INTS6: variants seen among roughly 807,000 people sequenced by gnomAD.
INTS6 encodes DEAD box protein.
Under a neutral mutation model 104.9 loss-of-function variants are expected in INTS6, and 16 were observed. That is an observed-to-expected ratio of 0.15 (90% CI 0.10 to 0.23). INTS6 has a LOEUF of 0.23. INTS6 is among the 10% of genes least tolerant of loss of function. The pLI is 1.00. For missense variants in INTS6, 584 were observed against 1,062.8 expected, an observed-to-expected ratio of 0.55 and a Z score of 6.26; for synonymous variants, 324 against 358.7, an observed-to-expected ratio of 0.90 and a Z score of 1.09.
At chr13:51,405,666 T>G (rs888915135) in intron 4 of INTS6, among the ~76,000 whole-genome samples, 1 of 152,170 alleles carries the variant, frequency 6.6e-6, no homozygotes, top group South Asian at 2.1e-4. Context: ...TTATTTCCAC[T>G]TCCATGGAAG....
chr13:51,429,952 T>C (rs183445703), intron 4 of INTS6, among the ~76,000 whole-genome samples: 8 of 151,700 alleles, frequency 5.3e-5, no homozygotes, highest in African/African-American at 1.9e-4. Flanking sequence ...CACTGAAATA[T>C]AGGAAGAAAT....
At position 51,361,930 on chromosome 13, in the gene INTS6, A is replaced by G; in HGVS notation, c.*3822T>C. 4.3e-6 allele frequency: 7 copies of G among 1,611,968 alleles called. No homozygotes were observed. Among genetic ancestry groups the G allele is most frequent in the East Asian group, 2.2e-5 (1 of 44,806 alleles). On this transcript the variant is annotated 3_prime_UTR_variant, in exon 18 of 18. Coordinates refer to ENST00000311234, the MANE Select transcript of INTS6 (RefSeq NM_012141.3). ...TTTTTTGACAGGATTCAGATAATTT[A>G]TCAGTGTCTCTCTAGCAACAAGGGC...
At chr13:51,443,565 A>AT in intron 3 of INTS6, 1 of 152,300 alleles carries the variant, frequency 6.6e-6, no homozygotes, top group South Asian at 2.1e-4. Context: ...ATATAAGGAA[A>AT]TTACTTTTTT....
At chr13:51,355,789 C>G (rs1955471853) in intron 3 of INTS6, among the ~76,000 whole-genome samples, 1 of 151,998 alleles carries the variant, frequency 6.6e-6, no homozygotes. Context: ...AACCTATGTT[C>G]TACAATCCTC....
At chr13:51,335,173 T>G in the INTS6 span, among the ~76,000 whole-genome samples, 1 of 151,550 alleles carries the variant, frequency 6.6e-6, no homozygotes, top group Non-Finnish European at 1.5e-5. Context: ...TACATGAAAA[T>G]TAAGGATTTC....
At chr13:51,434,401 G>C (rs1957149018) in intron 3 of INTS6, among the ~76,000 whole-genome samples, 1 of 151,734 alleles carries the variant, frequency 6.6e-6, no homozygotes, top group South Asian at 2.1e-4. Context: ...TTTAAATTTT[G>C]GAAAAGTCAG....
At chr13:51,441,885 A>T (rs547867560) in intron 3 of INTS6, 1 of 151,758 alleles carries the variant, frequency 6.6e-6, no homozygotes, top group Non-Finnish European at 1.5e-5. Flanking sequence ...CAGTCGCACA[A>T]TCTTGGCTCA....
chr13:51,361,231 A>G, downstream of INTS6: 1 of 1,259,374 alleles, frequency 7.9e-7, no homozygotes, highest in Non-Finnish European at 1.1e-6. Context: ...AATGTGTTAG[A>G]AAAATGTTAA....
intron 10 of INTS6, among the ~76,000 whole-genome samples, chr13:51,381,617 T>C (rs1566213032): frequency 6.6e-6 from 1 of 152,176 alleles, no homozygotes; most frequent in African/African-American, 2.4e-5. Flanking sequence ...TCAATTTTCA[T>C]GTCATTTAAT....
At chr13:51,434,245 G>A (rs1403371443) in intron 3 of INTS6, among the ~76,000 whole-genome samples, 1 of 151,974 alleles carries the variant, frequency 6.6e-6, no homozygotes, top group Admixed American at 6.6e-5. Context: ...TTAATTTCTT[G>A]ATGTATAAAA....
Position 51,451,720 on chromosome 13 carries a change from G to GCGCCGC in INTS6, c.189+252_189+257dup, listed in dbSNP as rs551582945. The GCGCCGC allele has an allele frequency of 7.2e-3, 1,394 of 193,726 alleles. 17 individuals are homozygous for GCGCCGC. The highest frequency in any genetic ancestry group is 0.023 in the African/African-American group (971 of 41,480). The allele number at this position is 193,726 out of a possible 1,614,324, so 12.0% of individuals were successfully genotyped here. A position where few individuals can be genotyped will look rare whatever the true frequency, so the allele number is the denominator to read the frequency against. ...GGAAATGTCGGCCATGTTGATAGCA[G>GCGCCGC]CGCCGCCGCCGCCGCCGCCGCCGCC... is the stretch of plus-strand genomic sequence containing the variant. On this transcript the variant is annotated intron_variant, in intron 2 of 17. Coordinates refer to ENST00000311234, the MANE Select transcript of INTS6 (RefSeq NM_012141.3).
intron 6 of INTS6, among the ~76,000 whole-genome samples, chr13:51,388,518 C>T (rs929348994): frequency 2.6e-5 from 4 of 152,022 alleles, no homozygotes; most frequent in East Asian, 1.9e-4. Context: ...CTCAGCCTCC[C>T]GAGTAGCTGG....
chr13:51,445,474 G>A (rs1952894616), intron 3 of INTS6: 1 of 152,098 alleles, frequency 6.6e-6, no homozygotes, highest in Non-Finnish European at 1.5e-5. Flanking sequence ...TCTTTTGGAG[G>A]AAAAGGATGC....
At chr13:51,449,352 T>C (rs887436820) in intron 3 of INTS6, 5 of 517,292 alleles carry the variant, frequency 9.7e-6, no homozygotes, top group African/African-American at 6.3e-5. Context: ...CCGCAAACTT[T>C]TGGTAAGCCT....
intron 4 of INTS6, among the ~76,000 whole-genome samples, chr13:51,407,513 A>G (rs1271131240): frequency 2.6e-5 from 4 of 152,204 alleles, no homozygotes; most frequent in Admixed American, 6.5e-5. Flanking sequence ...AACAAAAATA[A>G]TAGGAATGAA....
In INTS6 at chr13:51,417,452, C is replaced by CTT. The variant is rs34887995; in HGVS notation, c.429+12840_429+12841dup. On this transcript the variant is annotated intron_variant, in intron 4 of 17. Coordinates refer to ENST00000311234, the MANE Select transcript of INTS6 (RefSeq NM_012141.3). ...CCCAAAACCATTTGCTAAGAAAATT[C>CTT]TTTTTTTTTTTTTTTTTTTTGAGAC... Among the ~76,000 whole-genome samples the CTT allele has an allele frequency of 4.0e-4, 45 of 112,540 alleles. 1 individual carries two copies. The highest frequency in any genetic ancestry group is 2.3e-3 in the South Asian group (8 of 3,524). The allele number at this position is 112,540 out of a possible 152,430, so 73.8% of individuals were successfully genotyped here. A position where few individuals can be genotyped will look rare whatever the true frequency, so the allele number is the denominator to read the frequency against.
chr13:51,341,280 C>T, the INTS6 span: 1 of 1,613,886 alleles, frequency 6.2e-7, no homozygotes, highest in East Asian at 2.2e-5. Flanking sequence ...CCCTGGAGAT[C>T]CTGCAGTTTG....
chr13:51,364,289 G>GT lies in INTS6; in HGVS notation c.*1462dup, dbSNP rs1955642262. On this transcript the variant is annotated 3_prime_UTR_variant, in exon 18 of 18. Coordinates refer to ENST00000311234, the MANE Select transcript of INTS6 (RefSeq NM_012141.3). ...TTCAAATCCCCTAGACTAAATGCATGTTCTCCACTTTCATCAATGCTTTTC... is the reference window on the plus strand; with the variant it reads ...TTCAAATCCCCTAGACTAAATGCATGTTTCTCCACTTTCATCAATGCTTTTC... 1 of 1,443,114 alleles carries GT rather than the reference G, an allele frequency of 6.9e-7. No homozygotes were observed. The highest frequency in any genetic ancestry group is 2.1e-5 in the Admixed American group (1 of 48,444). The allele number at this position is 1,443,114 out of a possible 1,614,324, so 89.4% of individuals were successfully genotyped here.
chr13:51,355,152 G>A (rs767357867), intron 3 of INTS6: 61 of 1,407,056 alleles, frequency 4.3e-5, no homozygotes, highest in East Asian at 9.9e-5. Flanking sequence ...AGGTAAAAAC[G>A]GTTCTTCTTC....
Sources: gnomAD v4.1 joint callset for allele counts (sites outside exome capture counted in the v4.1 genomes callset) on GRCh38, gnomAD v4.1.1 for gene constraint, MANE v1.5 for transcripts, NCBI Gene and HGNC (gene_info 2026-07-23, HGNC 2026-07-21) for gene names.